The following HLF variants were observed in gnomAD, a reference collection of about 807,000 sequenced individuals.
HLF encodes the protein HLF transcription factor, PAR bZIP family member.
A neutral mutation model predicts 22.6 loss-of-function variants in HLF; 3 were observed. That is an observed-to-expected ratio of 0.13 (90% CI 0.06 to 0.34). The LOEUF (loss-of-function observed/expected upper bound fraction) is 0.34. Ranked by LOEUF, HLF falls within the 10% of genes least tolerant of loss-of-function variation. The probability of loss-of-function intolerance (pLI) is 1.00; values close to 1 mark genes in which losing one functional copy is unlikely to be tolerated. For missense variants in HLF, 299 were observed against 389.2 expected (o/e 0.77, Z 1.95); for synonymous variants, 151 against 151.8 (o/e 0.99, Z 0.04).
Position 55,268,188 on chromosome 17 carries a change from A to G in HLF, c.451+102A>G. On this transcript the variant is annotated intron_variant, in intron 2 of 3. Transcript: ENST00000226067. ...ACATCTTAACACTCAGGTTTTAGCA[A>G]AGATCCTAAGAGAGGTACCTTCTTC... The G allele has an allele frequency of 7.3e-6, 6 of 825,894 alleles. No individual in the cohort carries two copies. The South Asian group carries it at 7.3e-5, about 10-fold the overall frequency. 51.2% of individuals were successfully genotyped at this position (825,894 alleles called of 1,614,324 possible). A position where few individuals can be genotyped will look rare whatever the true frequency, so the allele number is the denominator to read the frequency against.
At position 55,265,691 on chromosome 17, in the gene HLF, C is replaced by A. The variant is rs1033343460; in HGVS notation, c.115+92C>A. On this transcript the variant is annotated intron_variant, in intron 1 of 3. Coordinates refer to ENST00000226067, the MANE Select transcript of HLF (RefSeq NM_002126.5). ...CACGCCCGCTGGAGCATCCCCCAACCCCGCTCCCGCCCTGTCCCGCGGCGC... is the reference window on the plus strand; with the variant it reads ...CACGCCCGCTGGAGCATCCCCCAACACCGCTCCCGCCCTGTCCCGCGGCGC... The A allele has an allele frequency of 3.7e-6, 4 of 1,088,790 alleles. No homozygotes were observed. The Admixed American group carries it at 9.9e-5, about 27-fold the overall frequency. 67.4% of individuals were successfully genotyped at this position (1,088,790 alleles called of 1,614,324 possible).
intron 2 of HLF, among the ~76,000 whole-genome samples, chr17:55,277,178 T>C (rs942607001): frequency 2.6e-5 from 4 of 152,098 alleles, no homozygotes; most frequent in African/African-American, 9.7e-5. Flanking sequence ...CACTTTTAAA[T>C]GCCTCTATTT....
At chr17:55,310,042 C>T (rs1311359717) in intron 2 of HLF, among the ~76,000 whole-genome samples, 1 of 152,188 alleles carries the variant, frequency 6.6e-6, no homozygotes, top group Non-Finnish European at 1.5e-5. Flanking sequence ...ATCCTGTTTC[C>T]AGTTATACTA....
Position 55,264,970 on chromosome 17 carries a change from G to C in HLF, c.-515G>C, listed in dbSNP as rs963879631. On this transcript the variant is annotated 5_prime_UTR_variant, in exon 1 of 4. Coordinates refer to ENST00000226067, the MANE Select transcript of HLF (RefSeq NM_002126.5). ...GCGGGCCCTGACGTCACTCTTGTCA[G>C]GGCCGCGGCACATGGGCGGCCGGAT... 6.1e-4 allele frequency: 102 copies of C among 166,380 alleles called. No homozygotes were observed. The highest frequency in any genetic ancestry group is 1.0e-3 in the Non-Finnish European group (78 of 76,548). 10.3% of individuals were successfully genotyped at this position (166,380 alleles called of 1,614,324 possible). A position where few individuals can be genotyped will look rare whatever the true frequency, so the allele number is the denominator to read the frequency against.
rs1905260354 is a variant in HLF at position 55,321,467 on chromosome 17, G to A, written c.*588G>A. ...TGGTGATAATCGTCTTCAAATTAAA[G>A]TGCTGTTTAGATTTATTAGATCCCA... On this transcript the variant is annotated 3_prime_UTR_variant, in exon 4 of 4. Coordinates refer to ENST00000226067, the MANE Select transcript of HLF (RefSeq NM_002126.5). 2 of 231,274 alleles carry A rather than the reference G, an allele frequency of 8.6e-6. No individual in the cohort carries two copies. The highest frequency in any genetic ancestry group is 1.1e-4 in the Admixed American group (2 of 17,724). 14.3% of individuals were successfully genotyped at this position (231,274 alleles called of 1,614,324 possible). A position where few individuals can be genotyped will look rare whatever the true frequency, so the allele number is the denominator to read the frequency against.
At chr17:55,283,130 A>G (rs1241644187) in intron 2 of HLF, among the ~76,000 whole-genome samples, 1 of 152,010 alleles carries the variant, frequency 6.6e-6, no homozygotes, top group Non-Finnish European at 1.5e-5. Context: ...AGAAAAGAAA[A>G]AAAAAAGGAA....
At chr17:55,302,440 C>A (rs1050320276) in intron 2 of HLF, among the ~76,000 whole-genome samples, 6 of 152,150 alleles carry the variant, frequency 3.9e-5, no homozygotes, top group Non-Finnish European at 8.8e-5. Context: ...TATTCATGTT[C>A]ATCCAGAAAC....
intron 2 of HLF, among the ~76,000 whole-genome samples, chr17:55,285,138 G>C (rs889639007): frequency 6.6e-6 from 1 of 152,164 alleles, no homozygotes; most frequent in Admixed American, 6.5e-5. Context: ...ATTTGCCTGG[G>C]TCCCTGTGGG....
At chr17:55,274,827 G>T (rs530345668) in intron 2 of HLF, among the ~76,000 whole-genome samples, 6 of 152,358 alleles carry the variant, frequency 3.9e-5, no homozygotes, top group African/African-American at 1.2e-4. Context: ...AACAGCTGCT[G>T]CAAGCAGCAC....
At chr17:55,274,064 A>C (rs2080882607) in intron 2 of HLF, among the ~76,000 whole-genome samples, 1 of 151,888 alleles carries the variant, frequency 6.6e-6, no homozygotes, top group African/African-American at 2.4e-5. Context: ...ACCAGACTAG[A>C]AAAATAGCAA....
At chr17:55,309,912 C>T (rs80060392) in intron 2 of HLF, among the ~76,000 whole-genome samples, 9 of 152,328 alleles carry the variant, frequency 5.9e-5, no homozygotes, top group Non-Finnish European at 1.0e-4. Context: ...ACATAAACCA[C>T]TGACTAGAGA....
At chr17:55,288,853 C>G (rs560792941) in intron 2 of HLF, 11 of 846,340 alleles carry the variant, frequency 1.3e-5, no homozygotes, top group Non-Finnish European at 1.6e-5. Context: ...GGATATTGAC[C>G]CCCCAATTTT....
intron 2 of HLF, among the ~76,000 whole-genome samples, chr17:55,282,811 C>T (rs992749501): frequency 5.9e-5 from 9 of 152,152 alleles, no homozygotes; most frequent in African/African-American, 1.7e-4. Context: ...AATGGAGCTG[C>T]TCCCAAGCCA....
chr17:55,267,409 A>C (rs1052844273), intron 1 of HLF, among the ~76,000 whole-genome samples: 1 of 152,360 alleles, frequency 6.6e-6, no homozygotes, highest in Non-Finnish European at 1.5e-5. Context: ...CAGCAGTTGT[A>C]TATAATCACA....
At chr17:55,285,155 G>A (rs902165028) in intron 2 of HLF, among the ~76,000 whole-genome samples, 6 of 152,170 alleles carry the variant, frequency 3.9e-5, no homozygotes, top group Admixed American at 2.0e-4. Context: ...TGGGGTGAGA[G>A]TATGGAAGTA....
At chr17:55,282,592 A>G (rs987044244) in intron 2 of HLF, among the ~76,000 whole-genome samples, 6 of 152,336 alleles carry the variant, frequency 3.9e-5, no homozygotes, top group African/African-American at 1.4e-4. Flanking sequence ...GAGTCAGCCA[A>G]TCTAGGTTCT....
At chr17:55,294,706 T>C (rs921621441) in intron 2 of HLF, among the ~76,000 whole-genome samples, 1 of 152,216 alleles carries the variant, frequency 6.6e-6, no homozygotes, top group Non-Finnish European at 1.5e-5. Context: ...GGCTTCCTTC[T>C]TCAGGACTTC....
chr17:55,268,691 A>T (rs8078695), intron 2 of HLF, among the ~76,000 whole-genome samples: 10,072 of 148,362 alleles, frequency 0.068, 1,081 homozygotes, highest in African/African-American at 0.23. Context: ...TCAGGACCAG[A>T]CTCCATCTCT....
intron 2 of HLF, among the ~76,000 whole-genome samples, chr17:55,285,213 C>A (rs1207053165): frequency 1.3e-5 from 2 of 152,178 alleles, no homozygotes; most frequent in African/African-American, 2.4e-5. Context: ...TACAGTTTAA[C>A]CTAGGAGTCA....
Sources: allele counts gnomAD v4.1 joint callset (sites outside exome capture counted in the v4.1 genomes callset), GRCh38; gene constraint gnomAD v4.1.1; transcripts MANE v1.5; gene names NCBI Gene and HGNC (gene_info 2026-07-23, HGNC 2026-07-21).